Variants in NLRP9 observed in about 807,000 individuals in gnomAD.
The protein encoded by NLRP9 is NLR family pyrin domain containing 9.
A neutral mutation model predicts 83.1 loss-of-function variants in NLRP9; 88 were observed. That is an observed-to-expected ratio of 1.06 (90% CI 0.89 to 1.26). The LOEUF (loss-of-function observed/expected upper bound fraction) is 1.26. Ranked by LOEUF, NLRP9 falls within the 50% of genes most tolerant of loss-of-function variation. NLRP9 has a pLI of 0.00. For missense variants in NLRP9, 1,308 were observed against 1,179.3 expected, an observed-to-expected ratio of 1.11 and a Z score of -1.60; for synonymous variants, 521 against 447.6, an observed-to-expected ratio of 1.16 and a Z score of -2.07.
intron 6 of NLRP9, among the ~76,000 whole-genome samples, chr19:55,713,028 TACTCTGCTCC>T (rs1987828184): frequency 1.4e-5 from 2 of 148,070 alleles, no homozygotes; most frequent in African/African-American, 5.0e-5. Context: ...CCACCTTCCC[TACTCTGCTCC>T]AACACTTTGG....
At chr19:55,716,276 T>G (rs1394242416) in intron 5 of NLRP9, among the ~76,000 whole-genome samples, 2 of 137,914 alleles carry the variant, frequency 1.5e-5, no homozygotes, top group Non-Finnish European at 3.2e-5. Flanking sequence ...TTTTTTTTTT[T>G]GAGATGGAAT....
intron 1 of NLRP9, among the ~76,000 whole-genome samples, chr19:55,735,452 A>G (rs954126270): frequency 6.6e-6 from 1 of 152,142 alleles, no homozygotes; most frequent in African/African-American, 2.4e-5. Flanking sequence ...AAATATGCAG[A>G]TAAAGAGAAA....
chr19:55,712,765 G>C lies in NLRP9; in HGVS notation c.2502-175C>G, dbSNP rs374172562. Among the ~76,000 whole-genome samples the C allele has an allele frequency of 6.9e-5, 7 of 100,982 alleles. 1 individual carries two copies. Among genetic ancestry groups the C allele is most frequent in the African/African-American group, 2.9e-4 (7 of 24,268 alleles). 66.2% of individuals were successfully genotyped at this position (100,982 alleles called of 152,430 possible). The stretch of plus-strand genomic sequence containing the variant: ...GAGGGAGGAGAGAAGAGCAGAGGAC[G>C]GGAGGGTGGGAGAATGAGGGAGGAG... On this transcript the variant is annotated intron_variant, in intron 6 of 8. Transcript: ENST00000332836.
chr19:55,724,410 C>T (rs1261725817), intron 3 of NLRP9, among the ~76,000 whole-genome samples: 2 of 152,044 alleles, frequency 1.3e-5, no homozygotes, highest in East Asian at 1.9e-4. Flanking sequence ...ACGAGTCAGC[C>T]GAATCCCATG....
chr19:55,729,058 T>TTTTTC (rs1423341592), intron 3 of NLRP9, among the ~76,000 whole-genome samples: 1 of 140,374 alleles, frequency 7.1e-6, no homozygotes, highest in African/African-American at 2.9e-5. Flanking sequence ...TTCTTTTTTT[T>TTTTTC]TTTTTTTTTT....
chr19:55,722,994 CGG>C (rs1568598769), intron 4 of NLRP9, among the ~76,000 whole-genome samples: 31 of 151,528 alleles, frequency 2.0e-4, no homozygotes, highest in African/African-American at 6.5e-4. Context: ...TGGGGCCTGT[CGG>C]TGGGTGGGGA....
intron 3 of NLRP9, among the ~76,000 whole-genome samples, chr19:55,726,552 A>T (rs1018900837): frequency 6.6e-6 from 1 of 152,140 alleles, no homozygotes; most frequent in Non-Finnish European, 1.5e-5. Flanking sequence ...CTGCCCTACA[A>T]CCCAAGGAAT....
chr19:55,720,409 T>C (rs982636432), intron 4 of NLRP9, among the ~76,000 whole-genome samples: 5 of 152,208 alleles, frequency 3.3e-5, no homozygotes, highest in African/African-American at 1.2e-4. Context: ...TGCAGCAACC[T>C]TGGACCTTTG....
chr19:55,732,028 G>C lies in NLRP9; in HGVS notation c.1803C>G (p.Ile601Met). 6.3e-7 allele frequency: 1 copy of C among 1,581,434 alleles called. No individual in the cohort carries two copies. The highest frequency in any genetic ancestry group is 8.6e-7 in the Non-Finnish European group (1 of 1,166,732). The change falls in exon 2 of 9, where the codon ATC (isoleucine) becomes ATG (methionine). Residue 601 changes from isoleucine (I) to methionine (M), a missense_variant. Coordinates refer to ENST00000332836, the MANE Select transcript of NLRP9 (RefSeq NM_176820.4). ...LTTLRMCVENIFPDDSGCISD... is the reference protein window; with the variant it reads ...LTTLRMCVENMFPDDSGCISD... Reference sequence around the variant, plus strand: ...AGATGCATCCTGAGTCATCTGGAAAGATATTCTCCACACACATGCGAAGTG... The same window carrying C: ...AGATGCATCCTGAGTCATCTGGAAACATATTCTCCACACACATGCGAAGTG...
Position 55,729,922 on chromosome 19 carries a change from A to G in NLRP9, c.1903T>C (p.Leu635=), listed in dbSNP as rs1418771635. 1.2e-6 allele frequency: 2 copies of G among 1,613,878 alleles called. No homozygotes were observed. Among genetic ancestry groups the G allele is most frequent in the Non-Finnish European group, 1.7e-6 (2 of 1,179,774 alleles). Residue 635 remains leucine (L), a synonymous_variant, in exon 3 of 9, where the codon TTA becomes CTA. Transcript: ENST00000332836. ...TCGAGGCTGGTATTTTCCATGTCTA[A>G]AATCTGGAAGTTCTTGTTGGTAATG... ...MFITNKNFQI[L]DMENTSLDDP...
intron 6 of NLRP9, among the ~76,000 whole-genome samples, chr19:55,714,843 A>G (rs1987943956): frequency 6.6e-6 from 1 of 152,086 alleles, no homozygotes; most frequent in Non-Finnish European, 1.5e-5. Context: ...GGCCTCTTTT[A>G]TAGGTGTGGG....
intron 3 of NLRP9, among the ~76,000 whole-genome samples, chr19:55,725,011 ATGG>A (rs1346118862): frequency 6.6e-6 from 1 of 152,096 alleles, no homozygotes; most frequent in African/African-American, 2.4e-5. Flanking sequence ...GTGAGCCGAG[ATGG>A]TGCCACTGCA....
At chr19:55,737,463 C>T (rs1988814400) in intron 1 of NLRP9, 1 of 152,384 alleles carries the variant, frequency 6.6e-6, no homozygotes, top group Admixed American at 6.5e-5. Context: ...AGAGGAAGGT[C>T]CTTCCATCGC....
chr19:55,708,782 A>G lies in NLRP9; in HGVS notation c.*130T>C. On this transcript the variant is annotated 3_prime_UTR_variant, in exon 9 of 9. Transcript: ENST00000332836. ...CACTCCATAATCATATTGCTAGAAC[A>G]CTTAGGGAGTACCTCTGAAATCACA... 1.6e-6 allele frequency: 1 copy of G among 617,018 alleles called. No homozygotes were observed. The highest frequency in any genetic ancestry group is 3.0e-5 in the Admixed American group (1 of 32,808). 38.2% of individuals were successfully genotyped at this position (617,018 alleles called of 1,614,324 possible).
intron 6 of NLRP9, among the ~76,000 whole-genome samples, chr19:55,713,300 C>T (rs776283082): frequency 2.8e-4 from 43 of 151,452 alleles, no homozygotes; most frequent in Non-Finnish European, 5.7e-4. Context: ...TACAGATAGA[C>T]AGAAAAATGG....
chr19:55,731,452 G>A (rs141918673), intron 2 of NLRP9, among the ~76,000 whole-genome samples: 2 of 152,160 alleles, frequency 1.3e-5, no homozygotes, highest in Non-Finnish European at 2.9e-5. Context: ...GGCCAGGCGC[G>A]GTGGCTTATG....
At chr19:55,723,013 G>C (rs1048217558) in intron 4 of NLRP9, among the ~76,000 whole-genome samples, 1 of 152,074 alleles carries the variant, frequency 6.6e-6, no homozygotes, top group Non-Finnish European at 1.5e-5. Flanking sequence ...GGGAGCTGGG[G>C]GAGGGAAAGC....
Position 55,715,226 on chromosome 19 carries a change from C to T in NLRP9, c.2331-1G>A, listed in dbSNP as rs145048835. ...AGAGGTGAGACAGCAGTACATCAACCTGCAAAGAAACACACCGTCTCCCAG... is the reference window on the plus strand; with the variant it reads ...AGAGGTGAGACAGCAGTACATCAACTTGCAAAGAAACACACCGTCTCCCAG... On this transcript the variant is annotated splice_acceptor_variant, in intron 5 of 8. Transcript: ENST00000332836. LOFTEE classifies it high-confidence loss of function. 1 of 1,612,346 alleles carries T rather than the reference C, an allele frequency of 6.2e-7. No homozygotes were observed. Among genetic ancestry groups the T allele is most frequent in the East Asian group, 2.2e-5 (1 of 44,870 alleles).
intron 1 of NLRP9, among the ~76,000 whole-genome samples, chr19:55,734,632 TATA>T (rs2122339316): frequency 1.9e-5 from 2 of 105,494 alleles, no homozygotes; most frequent in African/African-American, 7.1e-5. Flanking sequence ...TATATATATA[TATA>T]TATTTTTTTT....
Sources: allele counts gnomAD v4.1 joint callset (sites outside exome capture counted in the v4.1 genomes callset), GRCh38; gene constraint gnomAD v4.1.1; transcripts MANE v1.5; gene names NCBI Gene and HGNC (gene_info 2026-07-23, HGNC 2026-07-21).